Variants in CLMP observed in about 807,000 individuals in gnomAD.
CLMP encodes the protein CXADR like cell adhesion molecule, also known as CXADR-like membrane protein.
CLMP carries 27 observed loss-of-function variants against 45.2 expected under a neutral mutation model. The ratio of observed to expected loss-of-function variants is 0.60; its 90% CI spans 0.44 to 0.82. The LOEUF (loss-of-function observed/expected upper bound fraction) is 0.82, where lower values mean the gene tolerates loss of function less well. Among genes scored for constraint, CLMP ranks in the 40% least tolerant of loss-of-function variants. The pLI is 0.00. For synonymous variants in CLMP, 167 were observed against 171.4 expected, an observed-to-expected ratio of 0.97 and a Z score of 0.20; for missense variants, 403 against 448.4, an observed-to-expected ratio of 0.90 and a Z score of 0.91.
rs1033076719 is a variant in CLMP at position 123,195,212 on chromosome 11, G to T, written c.-272C>A. On this transcript the variant is annotated 5_prime_UTR_variant, in exon 1 of 7. Coordinates refer to ENST00000448775, the MANE Select transcript of CLMP (RefSeq NM_024769.5). ...CGAGGCGAAAAGGCGCTACCGCTTC[G>T]TGGAACACTTTTCCCTGTTTGGAAA... is the stretch of plus-strand genomic sequence containing the variant. 1.1e-4 allele frequency: 28 copies of T among 254,736 alleles called. No individual in the cohort carries two copies. Among genetic ancestry groups the T allele is most frequent in the Admixed American group, 6.0e-4 (11 of 18,220 alleles). 15.8% of individuals were successfully genotyped at this position (254,736 alleles called of 1,614,324 possible).
At position 123,070,835 on chromosome 11, in the gene CLMP, A is replaced by G. The variant is rs1865663349; in HGVS notation, c.*2639T>C. 1 of 152,236 alleles carries G rather than the reference A, an allele frequency of 6.6e-6. No homozygotes were observed. The highest frequency in any genetic ancestry group is 1.5e-5 in the Non-Finnish European group (1 of 68,044). The allele number at this position is 152,236 out of a possible 1,614,324, so 9.4% of individuals were successfully genotyped here. A position where few individuals can be genotyped will look rare whatever the true frequency, so the allele number is the denominator to read the frequency against. ...CAAATACGCCAGTTCTCTTAAACCC[A>G]TAGCAGACATTTATATGTTAATTCC... On this transcript the variant is annotated 3_prime_UTR_variant, in exon 7 of 7. Coordinates refer to ENST00000448775, the MANE Select transcript of CLMP (RefSeq NM_024769.5).
intron 1 of CLMP, among the ~76,000 whole-genome samples, chr11:123,189,630 C>G (rs1320287480): frequency 1.3e-5 from 2 of 152,152 alleles, no homozygotes; most frequent in Non-Finnish European, 2.9e-5. Context: ...AATCCAACCA[C>G]AAGTTCAAAT....
chr11:123,117,519 T>A (rs965465634), intron 1 of CLMP, among the ~76,000 whole-genome samples: 2 of 152,092 alleles, frequency 1.3e-5, no homozygotes, highest in Admixed American at 6.6e-5. Flanking sequence ...CTCTGCCTCC[T>A]GAGTTCAAGC....
intron 1 of CLMP, among the ~76,000 whole-genome samples, chr11:123,104,328 G>C (rs912759874): frequency 4.0e-5 from 6 of 151,126 alleles, no homozygotes; most frequent in Non-Finnish European, 8.8e-5. Context: ...TGATCTGCCC[G>C]CCTCAGCCTC....
chr11:123,138,665 T>A (rs1413504317), intron 1 of CLMP, among the ~76,000 whole-genome samples: 4 of 142,166 alleles, frequency 2.8e-5, no homozygotes, highest in Non-Finnish European at 6.0e-5. Flanking sequence ...TTCTTACTTA[T>A]TTATTTGAGA....
chr11:123,084,660 C>T lies in CLMP; in HGVS notation c.240G>A (p.Lys80=), dbSNP rs1043218913. 1.9e-6 allele frequency: 3 copies of T among 1,614,160 alleles called. No individual in the cohort carries two copies. Among genetic ancestry groups the T allele is most frequent in the South Asian group, 2.2e-5 (2 of 91,078 alleles). Residue 80 remains lysine, a synonymous_variant, in exon 3 of 7, where the codon AAG becomes AAA. Coordinates refer to ENST00000448775, the MANE Select transcript of CLMP (RefSeq NM_024769.5). ...HVYNNLTEEQ[K]GRVAFASNFL... ...AATTGGAAGCAAAGGCCACTCGGCC[C>T]TTCTGTTCCTCAGTCAAGTTATTGT...
intron 1 of CLMP, among the ~76,000 whole-genome samples, chr11:123,137,147 CTTTTTTTTTTTTT>C (rs375816483): frequency 1.2e-5 from 1 of 82,458 alleles, no homozygotes; most frequent in African/African-American, 5.1e-5. Context: ...TTTTCTTTTT[CTTTTTTTTTTTTT>C]TTTTTTTTTT....
At chr11:123,084,802 A>G (rs1865845288) in intron 2 of CLMP, 89 bp from the exon 3 acceptor site, 5 of 1,091,946 alleles carry the variant, frequency 4.6e-6, no homozygotes, top group Non-Finnish European at 6.8e-6. Flanking sequence ...GAGTACTCCC[A>G]GTGGCACAAA....
In CLMP at chr11:123,194,485, C is replaced by G. The variant is rs550871619; in HGVS notation, c.28+428G>C. Among the ~76,000 whole-genome samples the G allele has an allele frequency of 2.0e-4, 31 of 152,222 alleles. 1 individual carries two copies. The East Asian group carries it at 5.8e-3, about 29-fold the overall frequency. On this transcript the variant is annotated intron_variant, in intron 1 of 6. Transcript: ENST00000448775. Reference sequence around the variant, plus strand: ...CCCTTTCCTCTCCAACCCTGCCTATCCCCCACTCTGCTCACCCTTTAACAC... The same window carrying G: ...CCCTTTCCTCTCCAACCCTGCCTATGCCCCACTCTGCTCACCCTTTAACAC...
At chr11:123,131,998 C>T (rs11219008) in intron 1 of CLMP, among the ~76,000 whole-genome samples, 21,451 of 152,122 alleles carry the variant, frequency 0.14, 1,913 homozygotes, top group East Asian at 0.25. Flanking sequence ...GGATTAAATG[C>T]AATCTTGTTT....
chr11:123,137,156 T>C (rs974324049), intron 1 of CLMP, among the ~76,000 whole-genome samples: 42 of 132,384 alleles, frequency 3.2e-4, no homozygotes, highest in South Asian at 1.1e-3. Flanking sequence ...TCTTTTTTTT[T>C]TTTTTTTTTT....
chr11:123,119,066 TC>T, intron 1 of CLMP, among the ~76,000 whole-genome samples: 1 of 107,078 alleles, frequency 9.3e-6, no homozygotes, highest in East Asian at 2.8e-4. Context: ...TCTCTCTCTC[TC>T]TCTCTCTCTC....
At chr11:123,082,387 C>T (rs1865815939) in intron 5 of CLMP, among the ~76,000 whole-genome samples, 1 of 152,206 alleles carries the variant, frequency 6.6e-6, no homozygotes, top group Non-Finnish European at 1.5e-5. Context: ...CGGCTCACTG[C>T]AACCTCCGTG....
chr11:123,143,320 A>C (rs932484810), intron 1 of CLMP, among the ~76,000 whole-genome samples: 1 of 152,140 alleles, frequency 6.6e-6, no homozygotes, highest in Non-Finnish European at 1.5e-5. Context: ...ACTTTCAACC[A>C]AGTCACAGGT....
Position 123,073,745 on chromosome 11 carries a change from A to G in CLMP, c.851T>C (p.Leu284Pro), listed in dbSNP as rs776105463. ...REDAEAPKAR[L>P]VKPSSSSSGS... Reference sequence around the variant, plus strand: ...TGAGGAAGAGGAGCTGGGTTTCACAAGACGGGCTTTTGGAGCTTCAGCATC... The same window carrying G: ...TGAGGAAGAGGAGCTGGGTTTCACAGGACGGGCTTTTGGAGCTTCAGCATC... The change falls in exon 7 of 7, where the codon CTT (leucine) becomes CCT (proline). Residue 284 changes from leucine (L) to proline (P), a missense_variant. Leu to Pro is a moderately conservative substitution (Grantham distance 98, BLOSUM62 -3). Coordinates refer to ENST00000448775, the MANE Select transcript of CLMP (RefSeq NM_024769.5). 7.5e-6 allele frequency: 12 copies of G among 1,605,920 alleles called. No homozygotes were observed. Among genetic ancestry groups the G allele is most frequent in the Non-Finnish European group, 1.0e-5 (12 of 1,176,104 alleles).
At chr11:123,098,977 G>C (rs1050393530) in intron 1 of CLMP, among the ~76,000 whole-genome samples, 2 of 152,068 alleles carry the variant, frequency 1.3e-5, no homozygotes, top group Non-Finnish European at 2.9e-5. Context: ...GCAGGCGTGA[G>C]CCACCGCGTC....
chr11:123,112,954 T>C (rs1333542735), intron 1 of CLMP, among the ~76,000 whole-genome samples: 1 of 152,042 alleles, frequency 6.6e-6, no homozygotes, highest in Non-Finnish European at 1.5e-5. Flanking sequence ...TTTGTATTTT[T>C]AGTAGAGACG....
chr11:123,080,413 C>T (rs1865791435), intron 5 of CLMP, among the ~76,000 whole-genome samples: 1 of 151,694 alleles, frequency 6.6e-6, no homozygotes, highest in South Asian at 2.1e-4. Context: ...CTACAACTTC[C>T]ACCTCCCGGG....
intron 1 of CLMP, among the ~76,000 whole-genome samples, chr11:123,154,515 A>G (rs369371657): frequency 1.3e-5 from 2 of 152,138 alleles, no homozygotes; most frequent in South Asian, 2.1e-4. Context: ...CTGAAGTTTT[A>G]TACTGTTTGG....
Sources: gnomAD v4.1 joint callset for allele counts (sites outside exome capture counted in the v4.1 genomes callset) on GRCh38, gnomAD v4.1.1 for gene constraint, MANE v1.5 for transcripts, NCBI Gene and HGNC (gene_info 2026-07-23, HGNC 2026-07-21) for gene names.